Variants in PLCB2 observed in about 807,000 individuals in gnomAD.
PLCB2 encodes 1-phosphatidylinositol 4,5-bisphosphate phosphodiesterase beta-2.
A neutral mutation model predicts 141.7 loss-of-function variants in PLCB2; 115 were observed. The observed-to-expected ratio is 0.81, with a 90% CI of 0.70 to 0.95. PLCB2 has a LOEUF of 0.95. Ranked by LOEUF, PLCB2 falls within the 40% of genes least tolerant of loss-of-function variation. PLCB2 has a pLI of 0.00. For synonymous variants in PLCB2, 603 were observed against 595.6 expected, an observed-to-expected ratio of 1.01 and a Z score of -0.18; for missense variants, 1,403 against 1,541.1, an observed-to-expected ratio of 0.91 and a Z score of 1.50.
At chr15:40,300,959 A>T (rs759666700) in intron 7 of PLCB2, 2 of 152,860 alleles carry the variant, frequency 1.3e-5, no homozygotes, top group Non-Finnish European at 2.9e-5. Context: ...CAAGGAAAGC[A>T]GATAGATAAG....
rs772283694 is a variant in PLCB2, at chr15:40,296,385, G to A, written c.1607C>T (p.Ala536Val). 12 of 1,613,458 alleles carry A rather than the reference G, an allele frequency of 7.4e-6. No homozygotes were observed. The highest frequency in any genetic ancestry group is 3.3e-5 in the Admixed American group (2 of 59,926). The change falls in exon 16 of 32, where the codon GCG becomes GTG. Residue 536 changes from alanine to valine, a missense_variant. Around this residue, in one of 4 missense-constraint regions of PLCB2, gnomAD observed 975 missense variants for 1,141.1 expected, o/e 0.85. Transcript: ENST00000260402. ...IKKMQSDEGTAGLEVTAYEEM... is the reference protein window; with the variant it reads ...IKKMQSDEGTVGLEVTAYEEM... ...CTCATAAGCCGTCACTTCCAGGCCC[G>A]CTGTGCCCTAAGGAGAAGAGGGGAG... is the stretch of plus-strand genomic sequence containing the variant.
At position 40,288,926 on chromosome 15, in the gene PLCB2, G is replaced by A; in HGVS notation, c.3355-8C>T. ...CAGCGCCTCCTTCTGGAACTGTGGA[G>A]ACAGCAAGGACCCCTGCCTGGCTCA... On this transcript the variant is annotated splice_region_variant and splice_polypyrimidine_tract_variant and intron_variant, in intron 31 of 31. Transcript: ENST00000260402. 1 of 1,611,708 alleles carries A rather than the reference G, an allele frequency of 6.2e-7. No homozygotes were observed. The highest frequency in any genetic ancestry group is 1.7e-5 in the Admixed American group (1 of 60,004).
Position 40,288,418 on chromosome 15 carries a change from C to T in PLCB2, c.*297G>A. ...GTGGGGCCAGGATCCCACTTTCTGC[C>T]TTCCAGTCCATAGTCTTTTGCCCTC... On this transcript the variant is annotated 3_prime_UTR_variant, in exon 32 of 32. Coordinates refer to ENST00000260402, the MANE Select transcript of PLCB2 (RefSeq NM_004573.3). 1.8e-6 allele frequency: 2 copies of T among 1,137,086 alleles called. No homozygotes were observed. The highest frequency in any genetic ancestry group is 2.2e-6 in the Non-Finnish European group (2 of 926,666). The allele number at this position is 1,137,086 out of a possible 1,614,324, so 70.4% of individuals were successfully genotyped here. A position where few individuals can be genotyped will look rare whatever the true frequency, so the allele number is the denominator to read the frequency against.
In PLCB2 at chr15:40,298,033, C is replaced by G. The variant is rs933267051; in HGVS notation, c.1156-74G>C. ...CTGTCTCGTGATAGCACTTTTCCCC[C>G]CTGCCTAGTTTCAATACACACATAT... On this transcript the variant is annotated intron_variant, in intron 11 of 31. Transcript: ENST00000260402. 13 of 1,269,120 alleles carry G rather than the reference C, an allele frequency of 1.0e-5. No individual in the cohort carries two copies. The East Asian group carries it at 2.3e-4, about 23-fold the overall frequency. The allele number at this position is 1,269,120 out of a possible 1,614,324, so 78.6% of individuals were successfully genotyped here. A position where few individuals can be genotyped will look rare whatever the true frequency, so the allele number is the denominator to read the frequency against.
At chr15:40,285,971 C>T (rs1304627604), downstream of PLCB2, 4 of 985,388 alleles carry the variant, frequency 4.1e-6, no homozygotes, top group Non-Finnish European at 4.8e-6. Flanking sequence ...GTGCTGGGTA[C>T]CCTTTGGAAG....
chr15:40,287,918 G>A lies in PLCB2; in HGVS notation c.*797C>T. ...AGGCTTAAGCAGGAAACACTGGGAC[G>A]AGGTTCTTTAATAGGAGTAGGAAAG... is the stretch of plus-strand genomic sequence containing the variant. On this transcript the variant is annotated 3_prime_UTR_variant, in exon 32 of 32. Coordinates refer to ENST00000260402, the MANE Select transcript of PLCB2 (RefSeq NM_004573.3). 5.1e-6 allele frequency: 5 copies of A among 984,008 alleles called. No individual in the cohort carries two copies. Among genetic ancestry groups the A allele is most frequent in the South Asian group, 9.4e-5 (2 of 21,244 alleles). The allele number at this position is 984,008 out of a possible 1,614,324, so 61.0% of individuals were successfully genotyped here.
chr15:40,286,664 G>C (rs555237997), downstream of PLCB2, among the ~76,000 whole-genome samples: 5 of 152,324 alleles, frequency 3.3e-5, no homozygotes, highest in African/African-American at 1.2e-4. Context: ...ACCTGCCCCA[G>C]TACCCCAAGG....
chr15:40,296,743 C>T lies in PLCB2; in HGVS notation c.1486+3G>A. On this transcript the variant is annotated splice_donor_region_variant and intron_variant, in intron 14 of 31. Transcript: ENST00000260402. ...CCCCCCACCATAGTCCTCCCCGACT[C>T]ACCTGTGCCCTCACCTGCAGGGGCA... 1 of 1,612,076 alleles carries T rather than the reference C, an allele frequency of 6.2e-7. No homozygotes were observed. The highest frequency in any genetic ancestry group is 1.3e-5 in the African/African-American group (1 of 74,980).
At chr15:40,305,243 T>C (rs2040737159) in intron 1 of PLCB2, among the ~76,000 whole-genome samples, 1 of 150,658 alleles carries the variant, frequency 6.6e-6, no homozygotes, top group Non-Finnish European at 1.5e-5. Flanking sequence ...GTTTGTTACA[T>C]AGTATACATG....
chr15:40,293,801 G>T, intron 19 of PLCB2, 77 bp from the exon 20 acceptor site: 1 of 1,457,190 alleles, frequency 6.9e-7, no homozygotes, highest in South Asian at 1.2e-5. Context: ...GCCCCTGGCT[G>T]CCTAGAGCTG....
In PLCB2 at chr15:40,297,057, A is replaced by G. The variant is rs772810570; in HGVS notation, c.1324-149T>C. 34 of 780,826 alleles carry G rather than the reference A, an allele frequency of 4.4e-5. No individual in the cohort carries two copies. Among genetic ancestry groups the G allele is most frequent in the Non-Finnish European group, 6.4e-5 (30 of 466,200 alleles). 48.4% of individuals were successfully genotyped at this position (780,826 alleles called of 1,614,324 possible). A position where few individuals can be genotyped will look rare whatever the true frequency, so the allele number is the denominator to read the frequency against. ...ATCATCCCCATTCTCACTGAGATAA[A>G]TCCAGCTTATCCCTTGGAGTAAATG... On this transcript the variant is annotated intron_variant, in intron 13 of 31. Coordinates refer to ENST00000260402, the MANE Select transcript of PLCB2 (RefSeq NM_004573.3). This position sits in a 1 kb window ranked among gnomAD's most constrained non-coding sequence, Gnocchi z 4.2.
Position 40,296,519 on chromosome 15 carries a change from C to T in PLCB2, c.1599+3G>A, listed in dbSNP as rs772797119. 5.6e-6 allele frequency: 9 copies of T among 1,613,996 alleles called. No homozygotes were observed. The highest frequency in any genetic ancestry group is 1.7e-4 in the Middle Eastern group (1 of 6,060). On this transcript the variant is annotated splice_donor_region_variant and intron_variant, in intron 15 of 31. Transcript: ENST00000260402. ...AGAGGGGCCTGGGGCTACCCCCACA[C>T]ACCTCATCCGACTGCATCTTCTTAA...
In PLCB2 at chr15:40,291,064, T is replaced by C; in HGVS notation, c.2990A>G (p.Glu997Gly). 1 of 1,591,334 alleles carries C rather than the reference T, an allele frequency of 6.3e-7. No individual in the cohort carries two copies. The highest frequency in any genetic ancestry group is 8.5e-7 in the Non-Finnish European group (1 of 1,176,598). The change falls in exon 27 of 32, where the codon GAG becomes GGG. Residue 997 changes from glutamate to glycine, a missense_variant. Coordinates refer to ENST00000260402, the MANE Select transcript of PLCB2 (RefSeq NM_004573.3). ...GCGCTTCAGAACGCACTCGTACTGC[T>C]CCTCGCCCTGCCGCAGCAGCTCCAG... is the stretch of plus-strand genomic sequence containing the variant. The part of the protein sequence containing the change: ...LELELLRQGE[E>G]QYECVLKRKE...
Position 40,297,540 on chromosome 15 carries a change from T to C in PLCB2, c.1304A>G (p.Glu435Gly). 6.2e-7 allele frequency: 1 copy of C among 1,614,074 alleles called. No homozygotes were observed. Among genetic ancestry groups the C allele is most frequent in the Non-Finnish European group, 8.5e-7 (1 of 1,179,948 alleles). The change falls in exon 13 of 32, where the codon GAG (glutamate) becomes GGG (glycine). Residue 435 changes from glutamate (E) to glycine (G), a missense_variant. Glu to Gly is a moderately conservative substitution (Grantham distance 98, BLOSUM62 -2). Coordinates refer to ENST00000260402, the MANE Select transcript of PLCB2 (RefSeq NM_004573.3). The surrounding 1 kb of genome is among the most constrained non-coding windows in gnomAD (Gnocchi z 4.2). ...ACTCACTGGGAACTTTTCCAGGGGC[T>C]CTGTGAGCAGCATATCCCCAAAGAT... ...RTIFGDMLLT[E>G]PLEKFPLKPG...
chr15:40,288,044 A>C lies in PLCB2; in HGVS notation c.*671T>G. The C allele has an allele frequency of 1.0e-6, 1 of 985,510 alleles. No individual in the cohort carries two copies. 61.0% of individuals were successfully genotyped at this position (985,510 alleles called of 1,614,324 possible). On this transcript the variant is annotated 3_prime_UTR_variant, in exon 32 of 32. Transcript: ENST00000260402. ...TACATGGTAGGAACTGCCTGCCCCC[A>C]GGCCTAGGAAGAGGGGTGAGCCAGG...
Position 40,293,680 on chromosome 15 carries a change from A to G in PLCB2, c.2106T>C (p.Tyr702=), listed in dbSNP as rs200428436. The change falls in exon 20 of 32, where the codon TAT becomes TAC. Residue 702 remains tyrosine (Y), a synonymous_variant. Transcript: ENST00000260402. The part of the protein sequence containing the change: ...QFLSERSVRT[Y]VEVELFGLPG... Reference sequence around the variant, plus strand: ...GAAGGCCAAACAGCTCCACTTCTACATAGGTGCGCACGCTGCGTTCTGACA... The same window carrying G: ...GAAGGCCAAACAGCTCCACTTCTACGTAGGTGCGCACGCTGCGTTCTGACA... The G allele has an allele frequency of 3.0e-5, 48 of 1,613,944 alleles. No homozygotes were observed. The highest frequency in any genetic ancestry group is 8.9e-5 in the East Asian group (4 of 44,886).
rs1428881015 is a variant in PLCB2, at chr15:40,302,117, G to A, written c.506+19C>T. The A allele has an allele frequency of 6.2e-7, 1 of 1,612,916 alleles. No individual in the cohort carries two copies. On this transcript the variant is annotated intron_variant, in intron 6 of 31. Coordinates refer to ENST00000260402, the MANE Select transcript of PLCB2 (RefSeq NM_004573.3). ...TTTGGGGAGCCCCTGGAAGCCTGGG[G>A]AGGGGTTGGGGGGCTCACTTCTTCA...
intron 16 of PLCB2, 41 bp downstream of exon 16, chr15:40,296,255 C>T: frequency 6.8e-7 from 1 of 1,480,710 alleles, no homozygotes; most frequent in Admixed American, 1.8e-5. Flanking sequence ...GGGAGATCCC[C>T]CTTCTTCTTA....
intron 1 of PLCB2, among the ~76,000 whole-genome samples, chr15:40,304,382 T>C (rs1000848161): frequency 2.6e-5 from 4 of 152,126 alleles, no homozygotes; most frequent in South Asian, 2.1e-4. Flanking sequence ...CCAGGAGAGA[T>C]TGACACAGCG....
Sources: gnomAD v4.1 joint callset for allele counts (sites outside exome capture counted in the v4.1 genomes callset) on GRCh38, gnomAD v4.1.1 for gene constraint, gnomAD v4.1.1 regional missense constraint, Gnocchi (gnomAD v3.1) non-coding constraint, MANE v1.5 for transcripts, NCBI Gene and HGNC (gene_info 2026-07-23, HGNC 2026-07-21) for gene names.